SUMF1: variants seen among roughly 807,000 people sequenced by gnomAD.
The protein encoded by SUMF1 is formylglycine-generating enzyme.
SUMF1 carries 48 observed loss-of-function variants against 47.6 expected under a neutral mutation model. That is an observed-to-expected ratio of 1.01 (90% CI 0.80 to 1.28). SUMF1 has a LOEUF of 1.28. Ranked by LOEUF, SUMF1 falls within the 50% of genes most tolerant of loss-of-function variation. SUMF1 has a pLI of 0.00. For synonymous variants in SUMF1, 230 were observed against 192.1 expected (o/e 1.20, Z -1.63); for missense variants, 571 against 485.4 (o/e 1.18, Z -1.66).
intron 8 of SUMF1, among the ~76,000 whole-genome samples, chr3:4,248,879 C>T (rs1696728853): frequency 6.6e-6 from 1 of 152,232 alleles, no homozygotes; most frequent in African/African-American, 2.4e-5. Flanking sequence ...CCTACCCACA[C>T]TGTGGCCTGC....
At chr3:4,366,345 A>G (rs1201344316) in intron 8 of SUMF1, among the ~76,000 whole-genome samples, 1 of 152,198 alleles carries the variant, frequency 6.6e-6, no homozygotes, top group Non-Finnish European at 1.5e-5. Context: ...CGTCACTTTC[A>G]GGTACACCCA....
chr3:4,405,325 C>T lies in SUMF1; in HGVS notation c.954+5540G>A, dbSNP rs370014663. 9.9e-5 allele frequency among the ~76,000 whole-genome samples: 15 copies of T among 152,170 alleles called. 2 individuals carry two copies. The highest frequency in any genetic ancestry group is 7.9e-4 in the Admixed American group (12 of 15,272). ...CAAGAGCTCAGAGGGGTGGCCTCTG[C>T]ACACCACAGGAGACAGACAAGGAGG... On this transcript the variant is annotated intron_variant, in intron 7 of 8. Transcript: ENST00000272902.
intron 3 of SUMF1, among the ~76,000 whole-genome samples, chr3:4,435,411 G>A (rs1015237694): frequency 6.6e-6 from 1 of 152,074 alleles, no homozygotes; most frequent in Non-Finnish European, 1.5e-5. Flanking sequence ...GAACCTCTGG[G>A]ATACTATCAA....
intron 8 of SUMF1, among the ~76,000 whole-genome samples, chr3:4,243,201 T>G (rs1334584040): frequency 6.6e-6 from 1 of 152,206 alleles, no homozygotes; most frequent in Non-Finnish European, 1.5e-5. Context: ...TGTTGATCTT[T>G]TCAATAAACC....
chr3:4,242,302 C>T (rs1442784469), intron 8 of SUMF1, among the ~76,000 whole-genome samples: 4 of 152,114 alleles, frequency 2.6e-5, no homozygotes, highest in African/African-American at 9.7e-5. Flanking sequence ...GTCAGAACTT[C>T]CAATATTAAG....
At chr3:4,324,998 C>T (rs1453637693) in intron 8 of SUMF1, among the ~76,000 whole-genome samples, 2 of 152,126 alleles carry the variant, frequency 1.3e-5, no homozygotes, top group Non-Finnish European at 2.9e-5. Flanking sequence ...GCACACCTTA[C>T]ACAGCAGCAG....
chr3:4,456,849 T>TATATATAC (rs1575248864), intron 1 of SUMF1, among the ~76,000 whole-genome samples: 6 of 135,724 alleles, frequency 4.4e-5, no homozygotes, highest in African/African-American at 1.3e-4. Flanking sequence ...TATATACGTG[T>TATATATAC]GTGTATATAT....
intron 8 of SUMF1, among the ~76,000 whole-genome samples, chr3:4,069,799 A>G (rs568804950): frequency 7.2e-5 from 11 of 152,190 alleles, no homozygotes; most frequent in Non-Finnish European, 1.3e-4. Flanking sequence ...ATAAGGAAAA[A>G]TATATAACCC....
chr3:4,184,291 A>G (rs1408251711), intron 8 of SUMF1, among the ~76,000 whole-genome samples: 6 of 151,974 alleles, frequency 3.9e-5, no homozygotes, highest in Non-Finnish European at 7.4e-5. Flanking sequence ...CCCTGTCTCT[A>G]CTAAAAATAC....
chr3:4,107,215 G>A (rs981686145), intron 8 of SUMF1, among the ~76,000 whole-genome samples: 1 of 152,124 alleles, frequency 6.6e-6, no homozygotes, highest in Non-Finnish European at 1.5e-5. Context: ...CAGGAGCTAA[G>A]ATTTGCCAAA....
intron 8 of SUMF1, among the ~76,000 whole-genome samples, chr3:4,252,833 G>A (rs1575021604): frequency 6.6e-6 from 1 of 151,764 alleles, no homozygotes; most frequent in South Asian, 2.1e-4. Flanking sequence ...GCAGTCAATA[G>A]ATAATCTAAA....
Position 4,261,120 on chromosome 3 carries a change from A to G in SUMF1, c.1014+115210T>C, listed in dbSNP as rs1034897083. Among the ~76,000 whole-genome samples, 3 of 152,208 alleles carry G rather than the reference A, an allele frequency of 2.0e-5. No homozygotes were observed. In the South Asian group the frequency reaches 6.2e-4, roughly 32 times the overall value. On this transcript the variant is annotated intron_variant and NMD_transcript_variant, in intron 8 of 12. Coordinates refer to the SUMF1 transcript ENST00000448413. ...ACTGAGGTCCACAGAGTATAAAGAC[A>G]AAGCAAGGAAACAAACACATCTCAA...
In SUMF1 at chr3:4,179,233, G is replaced by T. The variant is rs537327425; in HGVS notation, c.1015-110488C>A. ...AAAAGAGCCCAAATTGCCAAGACAA[G>T]CCTAAGCAAAAAGAACAAAGCTGGA... On this transcript the variant is annotated intron_variant and NMD_transcript_variant, in intron 8 of 12. Transcript: ENST00000448413. 5.2e-4 allele frequency among the ~76,000 whole-genome samples: 79 copies of T among 152,138 alleles called. 1 individual carries two copies. Among genetic ancestry groups the T allele is most frequent in the Non-Finnish European group, 9.1e-4 (62 of 67,984 alleles).
chr3:4,253,201 G>C (rs1696847386), intron 8 of SUMF1, among the ~76,000 whole-genome samples: 1 of 152,340 alleles, frequency 6.6e-6, no homozygotes, highest in Admixed American at 6.5e-5. Flanking sequence ...ATCATAATTT[G>C]AGGATGAACC....
At chr3:4,380,953 C>G (rs375051894) in intron 7 of SUMF1, among the ~76,000 whole-genome samples, 1 of 152,140 alleles carries the variant, frequency 6.6e-6, no homozygotes. Context: ...CACAGAACCA[C>G]GTATCAGTGA....
intron 8 of SUMF1, among the ~76,000 whole-genome samples, chr3:4,296,343 ACAAAAATT>A (rs1306068481): frequency 6.6e-6 from 1 of 152,070 alleles, no homozygotes; most frequent in Non-Finnish European, 1.5e-5. Context: ...TTTAAAGTGA[ACAAAAATT>A]CATAAAGATC....
intron 8 of SUMF1, among the ~76,000 whole-genome samples, chr3:4,226,750 C>T (rs916407160): frequency 6.6e-6 from 1 of 152,044 alleles, no homozygotes; most frequent in Admixed American, 6.6e-5. Context: ...CAACCTGGCT[C>T]AAGTGCTCTT....
chr3:4,448,773 C>G (rs1355901351), intron 3 of SUMF1, among the ~76,000 whole-genome samples: 1 of 152,176 alleles, frequency 6.6e-6, no homozygotes, highest in Non-Finnish European at 1.5e-5. Flanking sequence ...ATGTAAAGAA[C>G]CAGTTCACCA....
chr3:4,179,223 G>T (rs959864023), intron 8 of SUMF1, among the ~76,000 whole-genome samples: 3 of 152,104 alleles, frequency 2.0e-5, no homozygotes, highest in Non-Finnish European at 2.9e-5. Flanking sequence ...AGCCCAAATT[G>T]CCAAGACAAG....
Sources: gnomAD v4.1 joint callset for allele counts (sites outside exome capture counted in the v4.1 genomes callset) on GRCh38, gnomAD v4.1.1 for gene constraint, MANE v1.5 for transcripts, NCBI Gene and HGNC (gene_info 2026-07-23, HGNC 2026-07-21) for gene names.